SHLD2: variants seen among roughly 807,000 people sequenced by gnomAD.
SHLD2 encodes the protein RINN1-REV7-interacting novel NHEJ regulator 2.
In SHLD2, 30 loss-of-function variants were observed where a neutral mutation model predicts 73.2. That is an observed-to-expected ratio of 0.41 (90% CI 0.31 to 0.56). The LOEUF (loss-of-function observed/expected upper bound fraction) is 0.56. Ranked by LOEUF, SHLD2 falls within the 20% of genes least tolerant of loss-of-function variation. The pLI, the probability that SHLD2 is intolerant of heterozygous loss-of-function variation, is 0.28. For missense variants in SHLD2, 745 were observed against 1,055.9 expected (o/e 0.71, Z 4.08); for synonymous variants, 285 against 370.1 (o/e 0.77, Z 2.64).
At chr10:87,134,979 C>T (rs185491800) in intron 2 of SHLD2, among the ~76,000 whole-genome samples, 2 of 152,038 alleles carry the variant, frequency 1.3e-5, no homozygotes, top group African/African-American at 2.4e-5. Flanking sequence ...AAACTCTGAC[C>T]GTCGTGCTTA....
chr10:87,179,042 A>C (rs1486101012), intron 7 of SHLD2, among the ~76,000 whole-genome samples: 73 of 152,330 alleles, frequency 4.8e-4, no homozygotes, highest in Non-Finnish European at 4.4e-5. Flanking sequence ...TGAAGGCTTA[A>C]GGCTTAAAGA....
intron 4 of SHLD2, among the ~76,000 whole-genome samples, chr10:87,169,258 G>A (rs1847419292): frequency 6.6e-6 from 1 of 152,180 alleles, no homozygotes; most frequent in African/African-American, 2.4e-5. Context: ...ACCAGAATTT[G>A]AATACAACTC....
Position 87,190,524 on chromosome 10 carries a change from C to G in SHLD2, c.2556C>G (p.Asp852Glu), listed in dbSNP as rs1321113549. 2 of 1,611,962 alleles carry G rather than the reference C, an allele frequency of 1.2e-6. No homozygotes were observed. The highest frequency in any genetic ancestry group is 3.3e-5 in the Admixed American group (2 of 60,008). ...TCACCTATGGGATGGTCGTGGCAGACCTGTTCCACTCCTTGTTGGCAGTCA... is the reference window on the plus strand; with the variant it reads ...TCACCTATGGGATGGTCGTGGCAGAGCTGTTCCACTCCTTGTTGGCAGTCA... ...SEITYGMVVA[D>E]LFHSLLAVSA... Residue 852 changes from aspartate (D) to glutamate (E), a missense_variant, in exon 10 of 10, where the codon GAC (aspartate) becomes GAG (glutamate). Asp to Glu is a conservative substitution (Grantham distance 45). This residue lies in a region of SHLD2 where 418 missense variants were observed against 567.8 expected (regional missense o/e 0.74). Transcript: ENST00000298786.
intron 8 of SHLD2, among the ~76,000 whole-genome samples, chr10:87,184,698 C>G (rs1848509134): frequency 6.6e-6 from 1 of 152,086 alleles, no homozygotes; most frequent in Admixed American, 6.6e-5. Context: ...GCCACGTGGC[C>G]TTCTTTCAGT....
rs780079680 is a variant in SHLD2, at chr10:87,190,561, T to C, written c.2593T>C (p.Cys865Arg). The change falls in exon 10 of 10, where the codon TGT becomes CGT. Residue 865 changes from cysteine (C) to arginine (R), a missense_variant. By Grantham distance (180) the Cys-to-Arg change is radical. Around this residue, in one of 5 missense-constraint regions of SHLD2, gnomAD observed 418 missense variants for 567.8 expected, o/e 0.74. Transcript: ENST00000298786. Reference sequence around the variant, plus strand: ...CTTGTTGGCAGTCAGCGCAGAACCTTGTGTATTAAAGATTCAGAGCCTTTT... The same window carrying C: ...CTTGTTGGCAGTCAGCGCAGAACCTCGTGTATTAAAGATTCAGAGCCTTTT... ...HSLLAVSAEPCVLKIQSLFVL... is the reference protein window; with the variant it reads ...HSLLAVSAEPRVLKIQSLFVL... 6 of 1,611,944 alleles carry C rather than the reference T, an allele frequency of 3.7e-6. No homozygotes were observed. In the Admixed American group the frequency reaches 1.0e-4, roughly 27 times the overall value.
rs867453002 is a variant in SHLD2, at chr10:87,127,541, C to G, written c.-5-23809C>G. The stretch of plus-strand genomic sequence containing the variant: ...GTCCCTCTTACCCGCCCCCCCCCAC[C>G]CCGTCTGCCACCCCCCGCCTCCCAC... On this transcript the variant is annotated intron_variant, in intron 2 of 9. Coordinates refer to ENST00000298786, the MANE Select transcript of SHLD2 (RefSeq NM_001330112.2). Among the ~76,000 whole-genome samples the G allele has an allele frequency of 2.1e-3, 171 of 82,092 alleles. 4 individuals are homozygous for G. The highest frequency in any genetic ancestry group is 0.011 in the South Asian group (28 of 2,554). 53.9% of individuals were successfully genotyped at this position (82,092 alleles called of 152,430 possible). A position where few individuals can be genotyped will look rare whatever the true frequency, so the allele number is the denominator to read the frequency against.
chr10:87,094,577 T>C (rs763879536), upstream of SHLD2: 3 of 1,611,634 alleles, frequency 1.9e-6, no homozygotes, highest in South Asian at 1.1e-5. The surrounding 1 kb of genome is among the most constrained non-coding windows in gnomAD (Gnocchi z 6.6). Flanking sequence ...TTGAAGAAGT[T>C]GGGGTCGTCC....
intron 8 of SHLD2, among the ~76,000 whole-genome samples, chr10:87,182,978 A>C (rs1396289331): frequency 6.6e-6 from 1 of 152,112 alleles, no homozygotes; most frequent in African/African-American, 2.4e-5. Flanking sequence ...ATGTGGCATC[A>C]CTTCTACCAA....
chr10:87,103,016 T>A (rs998374618), intron 2 of SHLD2, among the ~76,000 whole-genome samples: 4 of 151,776 alleles, frequency 2.6e-5, no homozygotes, highest in African/African-American at 9.7e-5. Flanking sequence ...TCAAGACCAT[T>A]CTGGCCAACA....
chr10:87,136,734 AT>A (rs1844827768), intron 2 of SHLD2, among the ~76,000 whole-genome samples: 1 of 151,854 alleles, frequency 6.6e-6, no homozygotes, highest in Admixed American at 6.6e-5. Context: ...TCAGCCACCC[AT>A]TTACTTAATC....
intron 4 of SHLD2, among the ~76,000 whole-genome samples, chr10:87,165,079 C>T (rs1400539786): frequency 2.6e-5 from 4 of 151,566 alleles, no homozygotes; most frequent in Non-Finnish European, 5.9e-5. Flanking sequence ...CCCAGCTATT[C>T]GGGAGGCTGA....
intron 2 of SHLD2, among the ~76,000 whole-genome samples, chr10:87,102,253 C>T (rs1451522690): frequency 6.6e-6 from 1 of 152,086 alleles, no homozygotes; most frequent in Non-Finnish European, 1.5e-5. Context: ...GACTACTTTA[C>T]CTATTTATGT....
intron 7 of SHLD2, among the ~76,000 whole-genome samples, chr10:87,178,523 T>C (rs2134673292): frequency 6.6e-6 from 1 of 151,684 alleles, no homozygotes; most frequent in East Asian, 2.0e-4. Context: ...GAGACCAGCC[T>C]GGTCAACATG....
Position 87,107,836 on chromosome 10 carries a change from TTTTC to T in SHLD2, c.-6+10863_-6+10866del, listed in dbSNP as rs367571757. ...CATACTTAAATATACAAAGATGTAA[TTTTC>T]TTTCTTTCTTTCTTTTTTTTTTATT... On this transcript the variant is annotated intron_variant, in intron 2 of 9. Coordinates refer to ENST00000298786, the MANE Select transcript of SHLD2 (RefSeq NM_001330112.2). Among the ~76,000 whole-genome samples, 1,381 of 152,124 alleles carry T rather than the reference TTTTC, an allele frequency of 9.1e-3. 20 individuals carry two copies. Among genetic ancestry groups the T allele is most frequent in the African/African-American group, 0.03 (1,250 of 41,488 alleles).
At chr10:87,103,038 C>T (rs900329536) in intron 2 of SHLD2, among the ~76,000 whole-genome samples, 5 of 151,828 alleles carry the variant, frequency 3.3e-5, no homozygotes, top group Admixed American at 1.3e-4. Flanking sequence ...AGTGAAACCC[C>T]GTCTCTGCTA....
rs189851314 is a variant in SHLD2, at chr10:87,184,925, A to C, written c.2400-2160A>C. Among the ~76,000 whole-genome samples, 155 of 152,334 alleles carry C rather than the reference A, an allele frequency of 1.0e-3. 2 individuals are homozygous for C. The Middle Eastern group carries it at 0.01, about 10-fold the overall frequency. On this transcript the variant is annotated intron_variant, in intron 8 of 9. Coordinates refer to ENST00000298786, the MANE Select transcript of SHLD2 (RefSeq NM_001330112.2). Reference sequence around the variant, plus strand: ...TCTAGAAAACATTTTTACTGAAGTTAAAATTCATATACCATCAAATTAATC... The same window carrying C: ...TCTAGAAAACATTTTTACTGAAGTTCAAATTCATATACCATCAAATTAATC...
At chr10:87,119,889 G>A (rs1340319174) in intron 2 of SHLD2, among the ~76,000 whole-genome samples, 3 of 152,006 alleles carry the variant, frequency 2.0e-5, no homozygotes, top group Non-Finnish European at 4.4e-5. Flanking sequence ...TTTATGGGCA[G>A]TACTTAACAT....
At chr10:87,104,885 T>C (rs1189107439) in intron 2 of SHLD2, among the ~76,000 whole-genome samples, 3 of 152,120 alleles carry the variant, frequency 2.0e-5, no homozygotes, top group African/African-American at 7.2e-5. Context: ...GCTCTTGAAC[T>C]CCTGACCTTG....
At chr10:87,168,229 G>C (rs1223062168) in intron 4 of SHLD2, among the ~76,000 whole-genome samples, 1 of 151,966 alleles carries the variant, frequency 6.6e-6, no homozygotes, top group Non-Finnish European at 1.5e-5. Flanking sequence ...AATCAACCTA[G>C]GTGGCCATCA....
Sources: gnomAD v4.1 joint callset for allele counts (sites outside exome capture counted in the v4.1 genomes callset) on GRCh38, gnomAD v4.1.1 for gene constraint, gnomAD v4.1.1 regional missense constraint, Gnocchi (gnomAD v3.1) non-coding constraint, MANE v1.5 for transcripts, NCBI Gene and HGNC (gene_info 2026-07-23, HGNC 2026-07-21) for gene names.